SOX5: variants seen among roughly 807,000 people sequenced by gnomAD.
SOX5 encodes the protein transcription factor SOX-5.
Under a neutral mutation model 92.0 loss-of-function variants are expected in SOX5, and 9 were observed. The observed-to-expected ratio is 0.10, with a 90% CI of 0.06 to 0.17. The LOEUF is 0.17. Among genes scored for constraint, SOX5 ranks in the 10% least tolerant of loss-of-function variants. The probability of loss-of-function intolerance (pLI) is 1.00; values close to 1 mark genes in which losing one functional copy is unlikely to be tolerated. For synonymous variants in SOX5, 344 were observed against 336.3 expected (o/e 1.02, Z -0.25); for missense variants, 642 against 944.5 (o/e 0.68, Z 4.20).
Position 23,829,929 on chromosome 12 carries a change from A to G in SOX5, c.481+16054T>C, listed in dbSNP as rs140791371. Among the ~76,000 whole-genome samples the G allele has an allele frequency of 1.5e-4, 23 of 152,286 alleles. No homozygotes were observed. In the East Asian group the frequency reaches 4.2e-3, roughly 28 times the overall value. On this transcript the variant is annotated intron_variant, in intron 3 of 14. Transcript: ENST00000451604. Reference sequence around the variant, plus strand: ...GCTTTCTGGGACAAATGATTTTCTTATAAAGACAACACTGGTACTCAGCTC... The same window carrying G: ...GCTTTCTGGGACAAATGATTTTCTTGTAAAGACAACACTGGTACTCAGCTC...
intron 3 of SOX5, among the ~76,000 whole-genome samples, chr12:23,792,622 C>CAAAAAAAAAAACAAAAAAAAAAA (rs2095494057): frequency 2.6e-5 from 1 of 38,942 alleles, no homozygotes; most frequent in East Asian, 1.2e-3. Flanking sequence ...GGCTCTGTCT[C>CAAAAAAAAAAACAAAAAAAAAAA]AAAAAAAAAA....
chr12:23,630,950 A>G (rs2078452308), intron 8 of SOX5, among the ~76,000 whole-genome samples: 1 of 152,008 alleles, frequency 6.6e-6, no homozygotes, highest in Non-Finnish European at 1.5e-5. Context: ...CCCCTAAGAC[A>G]TTAAATTTGT....
chr12:24,192,848 G>A (rs993698284), intron 4 of SOX5, among the ~76,000 whole-genome samples: 2 of 152,108 alleles, frequency 1.3e-5, no homozygotes, highest in Admixed American at 6.5e-5. Flanking sequence ...AGGAGAGCAG[G>A]TATGTTTGAA....
At chr12:24,491,725 T>C (rs1947097512) in intron 1 of SOX5, among the ~76,000 whole-genome samples, 1 of 152,200 alleles carries the variant, frequency 6.6e-6, no homozygotes, top group South Asian at 2.1e-4. Flanking sequence ...GACTATCTAC[T>C]GCACTTAACC....
At chr12:23,913,638 A>C (rs558981669) in intron 1 of SOX5, among the ~76,000 whole-genome samples, 1 of 152,070 alleles carries the variant, frequency 6.6e-6, no homozygotes, top group East Asian at 1.9e-4. Context: ...CAAGAGGCTA[A>C]GGCAGGAGAA....
chr12:24,045,728 A>G (rs533914998), intron 4 of SOX5, among the ~76,000 whole-genome samples: 1 of 152,338 alleles, frequency 6.6e-6, no homozygotes, highest in South Asian at 2.1e-4. Flanking sequence ...AGAAACCAGT[A>G]TGTATGGTGG....
At chr12:23,765,702 C>T (rs1300389978) in intron 3 of SOX5, among the ~76,000 whole-genome samples, 1 of 152,064 alleles carries the variant, frequency 6.6e-6, no homozygotes, top group Non-Finnish European at 1.5e-5. Flanking sequence ...ACCATTAGAA[C>T]TATTAGACTA....
intron 1 of SOX5, among the ~76,000 whole-genome samples, chr12:23,917,018 G>A (rs994069726): frequency 4.6e-5 from 7 of 152,124 alleles, no homozygotes; most frequent in African/African-American, 1.7e-4. Flanking sequence ...AGGAATTTCT[G>A]TATTTATATT....
intron 4 of SOX5, among the ~76,000 whole-genome samples, chr12:24,002,159 T>A (rs1404987169): frequency 1.3e-5 from 2 of 150,770 alleles, no homozygotes; most frequent in African/African-American, 2.4e-5. Flanking sequence ...AAGAAGAAAA[T>A]CAAATTAACT....
chr12:23,743,179 G>T (rs896909553), intron 4 of SOX5, among the ~76,000 whole-genome samples: 1 of 152,026 alleles, frequency 6.6e-6, no homozygotes, highest in Non-Finnish European at 1.5e-5. Flanking sequence ...GGAGAGAAAT[G>T]AAACATTTGT....
chr12:23,530,818 T>TGTGTGTGTGC lies in SOX5; in HGVS notation c.*3400_*3401insGCACACACAC. 1.5e-5 allele frequency: 2 copies of TGTGTGTGTGC among 132,118 alleles called. No homozygotes were observed. The highest frequency in any genetic ancestry group is 4.7e-3 in the Middle Eastern group (1 of 212). 8.2% of individuals were successfully genotyped at this position (132,118 alleles called of 1,614,324 possible). A position where few individuals can be genotyped will look rare whatever the true frequency, so the allele number is the denominator to read the frequency against. On this transcript the variant is annotated 3_prime_UTR_variant, in exon 15 of 15. Coordinates refer to ENST00000451604, the MANE Select transcript of SOX5 (RefSeq NM_006940.6). ...GGGCAAGTGTGTGTGTGTGTGTGTG[T>TGTGTGTGTGC]GCGCGCGCGCGCGCGCGCATGTGAG...
At position 23,530,625 on chromosome 12, in the gene SOX5, A is replaced by T. The variant is rs975242244; in HGVS notation, c.*3594T>A. On this transcript the variant is annotated 3_prime_UTR_variant, in exon 15 of 15. Transcript: ENST00000451604. ...TGAAGAATAGTTTTATATTTTATCC[A>T]ATTGTGGTAAGTTAATCACTAACTT... 1.3e-5 allele frequency: 2 copies of T among 152,164 alleles called. No homozygotes were observed. The highest frequency in any genetic ancestry group is 2.4e-5 in the African/African-American group (1 of 41,446). The allele number at this position is 152,164 out of a possible 1,614,324, so 9.4% of individuals were successfully genotyped here.
At chr12:24,249,286 G>C (rs1008718143) in intron 3 of SOX5, among the ~76,000 whole-genome samples, 1 of 152,178 alleles carries the variant, frequency 6.6e-6, no homozygotes, top group African/African-American at 2.4e-5. Context: ...TGCAATCACT[G>C]GTTCTAGTCT....
intron 4 of SOX5, among the ~76,000 whole-genome samples, chr12:23,992,733 C>T (rs184166213): frequency 1.0e-3 from 157 of 152,096 alleles, no homozygotes; most frequent in African/African-American, 3.6e-3. Context: ...TTTTTTATAA[C>T]ACAGTAACTT....
At chr12:24,528,164 G>A (rs1950875186) in intron 1 of SOX5, among the ~76,000 whole-genome samples, 1 of 152,190 alleles carries the variant, frequency 6.6e-6, no homozygotes, top group Non-Finnish European at 1.5e-5. Context: ...AATTTGAGGG[G>A]ACATCGCATA....
chr12:24,554,015 T>C (rs1597888840), intron 1 of SOX5, among the ~76,000 whole-genome samples: 3 of 152,316 alleles, frequency 2.0e-5, no homozygotes, highest in Non-Finnish European at 4.4e-5. Context: ...AGAAATAGTA[T>C]GCATGTCTTC....
chr12:23,559,281 C>G (rs2136286869), intron 11 of SOX5, among the ~76,000 whole-genome samples: 1 of 152,220 alleles, frequency 6.6e-6, no homozygotes, highest in Admixed American at 6.5e-5. Flanking sequence ...TTCCTTCATA[C>G]CTGAGAAGCT....
At chr12:23,815,427 G>T (rs539752314) in intron 3 of SOX5, among the ~76,000 whole-genome samples, 16 of 152,172 alleles carry the variant, frequency 1.1e-4, no homozygotes, top group African/African-American at 3.6e-4. Flanking sequence ...GATTACCACA[G>T]AACACCTAAT....
chr12:24,209,812 A>G (rs530524207), intron 4 of SOX5, among the ~76,000 whole-genome samples: 1 of 151,778 alleles, frequency 6.6e-6, no homozygotes, highest in South Asian at 2.1e-4. Flanking sequence ...AGGTCAGGAG[A>G]TCGAGACCAT....
Sources: allele counts gnomAD v4.1 joint callset (sites outside exome capture counted in the v4.1 genomes callset), GRCh38; gene constraint gnomAD v4.1.1; transcripts MANE v1.5; gene names NCBI Gene and HGNC (gene_info 2026-07-23, HGNC 2026-07-21).